The following PTPRG variants were observed in gnomAD, a reference collection of about 807,000 sequenced individuals.
The protein encoded by PTPRG is protein tyrosine phosphatase receptor type G.
In PTPRG, 102 loss-of-function variants were observed where a neutral mutation model predicts 165.3. The observed-to-expected ratio is 0.62, with a 90% CI of 0.53 to 0.73. The LOEUF (loss-of-function observed/expected upper bound fraction) is 0.73. PTPRG is among the 30% of genes least tolerant of loss of function. The pLI, the probability that PTPRG is intolerant of heterozygous loss-of-function variation, is 0.00. For missense variants in PTPRG, 1,866 were observed against 1,861.4 expected (o/e 1.00, Z -0.05); for synonymous variants, 675 against 669.5 (o/e 1.01, Z -0.13).
intron 1 of PTPRG, among the ~76,000 whole-genome samples, chr3:61,605,573 GTTTTT>G (rs943264537): frequency 4.1e-5 from 1 of 24,472 alleles, no homozygotes; most frequent in Non-Finnish European, 2.0e-4. Context: ...TTATTTTTTT[GTTTTT>G]TTTATTTTTA....
intron 15 of PTPRG, among the ~76,000 whole-genome samples, chr3:62,248,605 C>G (rs1266558026): frequency 1.3e-5 from 2 of 152,128 alleles, no homozygotes; most frequent in Non-Finnish European, 2.9e-5. Context: ...ATTAATGAAG[C>G]ATTCACTACA....
chr3:62,145,580 G>A (rs1269616172), intron 6 of PTPRG, among the ~76,000 whole-genome samples: 1 of 152,140 alleles, frequency 6.6e-6, no homozygotes, highest in Admixed American at 6.6e-5. Context: ...GATGATTTGG[G>A]TAGCCAGTTT....
At chr3:61,920,165 C>G (rs1002190203) in intron 2 of PTPRG, among the ~76,000 whole-genome samples, 1 of 152,204 alleles carries the variant, frequency 6.6e-6, no homozygotes, top group Non-Finnish European at 1.5e-5. Context: ...AACTCTCCCT[C>G]ACTTGTGAAA....
intron 5 of PTPRG, among the ~76,000 whole-genome samples, chr3:62,097,821 A>G (rs147306682): frequency 2.3e-4 from 35 of 152,334 alleles, no homozygotes; most frequent in African/African-American, 7.2e-4. Context: ...GCATGGCCAA[A>G]CATTATCTCG....
chr3:61,923,185 G>T (rs2039121503), intron 2 of PTPRG, among the ~76,000 whole-genome samples: 1 of 152,076 alleles, frequency 6.6e-6, no homozygotes, highest in Non-Finnish European at 1.5e-5. Context: ...CATAATTTGA[G>T]CCCATTAACT....
chr3:62,235,990 G>A (rs1187315022), intron 14 of PTPRG, among the ~76,000 whole-genome samples: 2 of 151,986 alleles, frequency 1.3e-5, no homozygotes, highest in East Asian at 1.9e-4. Flanking sequence ...CAAATCTCAC[G>A]CCCCCTTTTA....
intron 1 of PTPRG, among the ~76,000 whole-genome samples, chr3:61,589,353 A>G (rs938450371): frequency 1.3e-5 from 2 of 152,176 alleles, no homozygotes; most frequent in Admixed American, 1.3e-4. Flanking sequence ...CACTTGTTGA[A>G]TGATATGTTC....
At chr3:62,169,575 C>G (rs779974247) in intron 8 of PTPRG, among the ~76,000 whole-genome samples, 41 of 152,168 alleles carry the variant, frequency 2.7e-4, no homozygotes, top group Admixed American at 7.9e-4. Flanking sequence ...TGGGATTTAT[C>G]AGAATTGGGT....
chr3:62,167,097 T>C (rs1261865115), intron 7 of PTPRG, among the ~76,000 whole-genome samples: 1 of 152,182 alleles, frequency 6.6e-6, no homozygotes, highest in Non-Finnish European at 1.5e-5. Flanking sequence ...ATAATATTAA[T>C]AATAATGATG....
At chr3:61,984,031 G>A (rs1188891771) in intron 2 of PTPRG, among the ~76,000 whole-genome samples, 1 of 152,148 alleles carries the variant, frequency 6.6e-6, no homozygotes, top group African/African-American at 2.4e-5. Context: ...CAGATTTACA[G>A]TATTTGCCAT....
At chr3:62,265,501 T>G (rs1038478793) in intron 17 of PTPRG, among the ~76,000 whole-genome samples, 1 of 152,206 alleles carries the variant, frequency 6.6e-6, no homozygotes, top group Non-Finnish European at 1.5e-5. Flanking sequence ...TAGTAGTTTT[T>G]TCTTGATTCC....
At chr3:62,008,324 A>T (rs1160471699) in intron 4 of PTPRG, among the ~76,000 whole-genome samples, 1 of 152,218 alleles carries the variant, frequency 6.6e-6, no homozygotes, top group African/African-American at 2.4e-5. Context: ...CTTATTTATG[A>T]CAATAAAAGA....
At chr3:61,724,857 T>C (rs1326506287) in intron 1 of PTPRG, among the ~76,000 whole-genome samples, 1 of 152,132 alleles carries the variant, frequency 6.6e-6, no homozygotes, top group Non-Finnish European at 1.5e-5. Flanking sequence ...ACACACACTC[T>C]AGATAGTAGA....
At chr3:62,074,621 A>G (rs1701324399) in intron 4 of PTPRG, among the ~76,000 whole-genome samples, 1 of 151,994 alleles carries the variant, frequency 6.6e-6, no homozygotes, top group Non-Finnish European at 1.5e-5. Flanking sequence ...GGTTACATGC[A>G]TGAGCCACAT....
chr3:61,579,871 C>T (rs1454585632), intron 1 of PTPRG, among the ~76,000 whole-genome samples: 1 of 152,200 alleles, frequency 6.6e-6, no homozygotes, highest in Non-Finnish European at 1.5e-5. Flanking sequence ...GTATACACAG[C>T]TGACCCTCGA....
chr3:61,927,129 G>A (rs1044094669), intron 2 of PTPRG, among the ~76,000 whole-genome samples: 1 of 152,166 alleles, frequency 6.6e-6, no homozygotes, highest in African/African-American at 2.4e-5. Flanking sequence ...TTCAGAATCC[G>A]CTTCTATTTT....
chr3:61,671,736 C>G, intron 1 of PTPRG, among the ~76,000 whole-genome samples: 1 of 147,746 alleles, frequency 6.8e-6, no homozygotes, highest in African/African-American at 2.5e-5. Flanking sequence ...GCGCCCCTCA[C>G]CTCCTGGACG....
chr3:61,877,417 G>T (rs1559663824), intron 2 of PTPRG, among the ~76,000 whole-genome samples: 1 of 152,160 alleles, frequency 6.6e-6, no homozygotes, highest in South Asian at 2.1e-4. Flanking sequence ...TTACCGGCAG[G>T]GGGTTAATAA....
chr3:61,832,651 A>G (rs605148), intron 2 of PTPRG, among the ~76,000 whole-genome samples: 19,166 of 152,128 alleles, frequency 0.13, 3,165 homozygotes, highest in African/African-American at 0.38. Context: ...TGAGATGCAG[A>G]ATATGCTGCT....
Sources: allele counts gnomAD v4.1 joint callset (sites outside exome capture counted in the v4.1 genomes callset), GRCh38; gene constraint gnomAD v4.1.1; transcripts MANE v1.5; gene names NCBI Gene and HGNC (gene_info 2026-07-23, HGNC 2026-07-21).